The following UMAD1 variants were observed in gnomAD, a reference collection of about 807,000 sequenced individuals.
UMAD1 encodes the protein UBAP1-MVB12-associated (UMA) domain containing 1, also known as UBAP1-MVB12-associated (UMA)-domain containing protein 1.
UMAD1 carries 8 observed loss-of-function variants against 6.1 expected under a neutral mutation model. The observed-to-expected ratio is 1.30, with a 90% CI of 0.76 to 2.35. The LOEUF is 2.35. UMAD1 is among the 30% of genes most tolerant of loss of function. UMAD1 has a pLI of 0.00. For synonymous variants in UMAD1, 56 were observed against 31.4 expected, an observed-to-expected ratio of 1.78 and a Z score of -2.61; for missense variants, 130 against 78.4, an observed-to-expected ratio of 1.66 and a Z score of -2.49.
At chr7:7,696,833 T>C (rs1780331268) in intron 2 of UMAD1, among the ~76,000 whole-genome samples, 1 of 151,408 alleles carries the variant, frequency 6.6e-6, no homozygotes. Flanking sequence ...TCTTTTTCTT[T>C]CTTCTTCTTT....
chr7:7,644,024 A>T (rs1471170918), intron 1 of UMAD1, among the ~76,000 whole-genome samples: 1 of 152,014 alleles, frequency 6.6e-6, no homozygotes, highest in East Asian at 1.9e-4. Context: ...TAAAAAAATG[A>T]TTTCCCCAAA....
chr7:7,844,572 G>A (rs1463434826), intron 3 of UMAD1, among the ~76,000 whole-genome samples: 1 of 152,108 alleles, frequency 6.6e-6, no homozygotes, highest in Admixed American at 6.6e-5. Context: ...CAAAATGACA[G>A]CTCTTCTTTT....
intron 2 of UMAD1, among the ~76,000 whole-genome samples, chr7:7,706,017 G>T (rs995382023): frequency 4.0e-4 from 61 of 152,040 alleles, no homozygotes; most frequent in African/African-American, 1.5e-3. Flanking sequence ...AGAAATCTTT[G>T]TTGCTATTTT....
intron 2 of UMAD1, among the ~76,000 whole-genome samples, chr7:7,779,824 TG>T (rs1391299538): frequency 1.3e-5 from 2 of 152,094 alleles, no homozygotes; most frequent in African/African-American, 4.8e-5. Context: ...TTTGTATTTT[TG>T]TAGAGACGGG....
intron 2 of UMAD1, among the ~76,000 whole-genome samples, chr7:7,760,648 G>A (rs1466283734): frequency 6.6e-6 from 1 of 152,012 alleles, no homozygotes; most frequent in East Asian, 1.9e-4. Flanking sequence ...AGCATTCAAG[G>A]CAGAGGAAAT....
At chr7:7,641,092 C>T (rs1001361770) in intron 1 of UMAD1, 5 of 152,544 alleles carry the variant, frequency 3.3e-5, no homozygotes, top group African/African-American at 1.2e-4. Flanking sequence ...ATCTTGATCA[C>T]TTTCTTCAGG....
chr7:7,776,873 A>G lies in UMAD1; in HGVS notation c.83-24797A>G, dbSNP rs145607580. Among the ~76,000 whole-genome samples, 176 of 151,806 alleles carry G rather than the reference A, an allele frequency of 1.2e-3. 1 individual carries two copies. Among genetic ancestry groups the G allele is most frequent in the African/African-American group, 4.1e-3 (169 of 41,374 alleles). On this transcript the variant is annotated intron_variant, in intron 2 of 3. Transcript: ENST00000682710. ...GTAATACACTGAAAAGCCTTCCTCC[A>G]ACATCTGTCATCGATCCACACAGTT...
intron 2 of UMAD1, among the ~76,000 whole-genome samples, chr7:7,729,944 G>A (rs920028479): frequency 6.6e-6 from 1 of 152,136 alleles, no homozygotes; most frequent in Non-Finnish European, 1.5e-5. Flanking sequence ...TCTCATCACT[G>A]TCTGACTTCT....
At chr7:7,784,511 ATT>A (rs531022882) in intron 2 of UMAD1, among the ~76,000 whole-genome samples, 9 of 135,712 alleles carry the variant, frequency 6.6e-5, no homozygotes, top group African/African-American at 7.9e-5. Flanking sequence ...AATTTTTTGT[ATT>A]TTTTTTTTTT....
At position 7,653,516 on chromosome 7, in the gene UMAD1, T is replaced by G. The variant is rs561531548; in HGVS notation, c.-64+12695T>G. ...CATGTATAGCATTACAAAAAAAACC[T>G]CTTGAAATTAAGATGTTTTCTGACT... On this transcript the variant is annotated intron_variant, in intron 1 of 3. Coordinates refer to ENST00000682710, the MANE Select transcript of UMAD1 (RefSeq NM_001302348.2). 3.9e-5 allele frequency among the ~76,000 whole-genome samples: 6 copies of G among 152,302 alleles called. No homozygotes were observed. The East Asian group carries it at 1.2e-3, about 29-fold the overall frequency.
chr7:7,712,657 G>C (rs1228649440), intron 2 of UMAD1, among the ~76,000 whole-genome samples: 1 of 152,004 alleles, frequency 6.6e-6, no homozygotes, highest in East Asian at 1.9e-4. Context: ...AAATCCTTGT[G>C]GTTTCATTTT....
intron 3 of UMAD1, among the ~76,000 whole-genome samples, chr7:7,849,957 T>C (rs1783880991): frequency 6.6e-6 from 1 of 152,130 alleles, no homozygotes; most frequent in Non-Finnish European, 1.5e-5. Flanking sequence ...TAAAATATGA[T>C]GCCTTTTCAC....
At chr7:7,646,774 C>T (rs995276312) in intron 1 of UMAD1, among the ~76,000 whole-genome samples, 7 of 152,022 alleles carry the variant, frequency 4.6e-5, no homozygotes, top group Admixed American at 1.3e-4. Context: ...AAACTCCCCT[C>T]GACACTCAGA....
chr7:7,858,779 A>G (rs1412234316), intron 3 of UMAD1, among the ~76,000 whole-genome samples: 1 of 152,154 alleles, frequency 6.6e-6, no homozygotes, highest in East Asian at 1.9e-4. Flanking sequence ...CAGTTAGCAG[A>G]CGGATTATGC....
intron 3 of UMAD1, among the ~76,000 whole-genome samples, chr7:7,816,186 T>G: frequency 3.6e-5 from 1 of 27,868 alleles, no homozygotes; most frequent in Non-Finnish European, 8.0e-5. Flanking sequence ...TTTCCCAAGG[T>G]CACAAAAAAA....
intron 2 of UMAD1, among the ~76,000 whole-genome samples, chr7:7,711,236 T>G (rs1276423223): frequency 6.6e-6 from 1 of 152,202 alleles, no homozygotes; most frequent in Non-Finnish European, 1.5e-5. Flanking sequence ...ATTTCTCCAA[T>G]CTGCCTGTGA....
chr7:7,649,888 T>C (rs974582551), intron 1 of UMAD1, among the ~76,000 whole-genome samples: 4 of 152,186 alleles, frequency 2.6e-5, no homozygotes, highest in African/African-American at 9.6e-5. Context: ...CCTTCAACCA[T>C]ATGAAATTAT....
In UMAD1 at chr7:7,825,562, G is replaced by A. The variant is rs556374008; in HGVS notation, c.156+23819G>A. On this transcript the variant is annotated intron_variant, in intron 3 of 3. Transcript: ENST00000682710. Reference sequence around the variant, plus strand: ...CATTTTTAAAACCATCAGATCTCATGAGACTTATTCACTATCATGAGAACA... The same window carrying A: ...CATTTTTAAAACCATCAGATCTCATAAGACTTATTCACTATCATGAGAACA... Among the ~76,000 whole-genome samples, 54 of 152,082 alleles carry A rather than the reference G, an allele frequency of 3.6e-4. 1 individual carries two copies. Among genetic ancestry groups the A allele is most frequent in the Non-Finnish European group, 7.5e-4 (51 of 68,016 alleles).
chr7:7,642,262 G>C (rs1231647573), intron 1 of UMAD1, among the ~76,000 whole-genome samples: 1 of 128,320 alleles, frequency 7.8e-6, no homozygotes, highest in Admixed American at 7.5e-5. Flanking sequence ...AGCCTGCCAA[G>C]TAGCTGGGAC....
Sources: gnomAD v4.1 joint callset for allele counts (sites outside exome capture counted in the v4.1 genomes callset) on GRCh38, gnomAD v4.1.1 for gene constraint, MANE v1.5 for transcripts, NCBI Gene and HGNC (gene_info 2026-07-23, HGNC 2026-07-21) for gene names.